The following RALGPS2 variants were observed in gnomAD, a reference collection of about 807,000 sequenced individuals.
The protein encoded by RALGPS2 is ras-specific guanine nucleotide-releasing factor RalGPS2.
In RALGPS2, 43 loss-of-function variants were observed where a neutral mutation model predicts 86.8. The observed-to-expected ratio is 0.50, with a 90% confidence interval of 0.39 to 0.64. The LOEUF (loss-of-function observed/expected upper bound fraction) is 0.64. RALGPS2 is among the 30% of genes least tolerant of loss of function. The pLI is 0.00. For synonymous variants in RALGPS2, 243 were observed against 231.3 expected (o/e 1.05, Z -0.46); for missense variants, 536 against 694.6 (o/e 0.77, Z 2.57).
chr1:178,795,844 G>A (rs1654163053), intron 4 of RALGPS2, among the ~76,000 whole-genome samples: 1 of 152,238 alleles, frequency 6.6e-6, no homozygotes, highest in East Asian at 1.9e-4. Flanking sequence ...CAAAGTTCCA[G>A]CATCAGGAAT....
intron 8 of RALGPS2, among the ~76,000 whole-genome samples, chr1:178,852,213 G>C (rs1471477816): frequency 6.6e-6 from 1 of 152,042 alleles, no homozygotes; most frequent in Non-Finnish European, 1.5e-5. Context: ...TGCCATCCCA[G>C]GCCTTGCTGC....
chr1:178,835,610 C>T (rs1656236742), intron 8 of RALGPS2, among the ~76,000 whole-genome samples: 1 of 152,116 alleles, frequency 6.6e-6, no homozygotes, highest in South Asian at 2.1e-4. Context: ...CCAGGCTAGT[C>T]TTGAATTCCT....
At chr1:178,902,714 A>G (rs896433037) in intron 18 of RALGPS2, among the ~76,000 whole-genome samples, 4 of 152,094 alleles carry the variant, frequency 2.6e-5, no homozygotes, top group African/African-American at 7.2e-5. Flanking sequence ...AATATTCTGC[A>G]GTCTTATCCA....
chr1:178,741,923 G>A (rs1055952716), intron 1 of RALGPS2, among the ~76,000 whole-genome samples: 10 of 151,884 alleles, frequency 6.6e-5, no homozygotes, highest in Non-Finnish European at 2.9e-5. Context: ...GGATCATGAG[G>A]TCAGGAGATC....
intron 1 of RALGPS2, among the ~76,000 whole-genome samples, chr1:178,752,129 A>G (rs1651712286): frequency 6.7e-6 from 1 of 149,334 alleles, no homozygotes; most frequent in Non-Finnish European, 1.5e-5. Context: ...CTATTTGTGT[A>G]GTAATTTTTT....
At chr1:178,835,716 T>G (rs1433857747) in intron 8 of RALGPS2, among the ~76,000 whole-genome samples, 1 of 152,150 alleles carries the variant, frequency 6.6e-6, no homozygotes, top group Non-Finnish European at 1.5e-5. Flanking sequence ...CTAATTAACT[T>G]ATTTTACTAT....
chr1:178,874,572 A>C (rs574836394), intron 8 of RALGPS2, among the ~76,000 whole-genome samples: 17 of 152,162 alleles, frequency 1.1e-4, no homozygotes, highest in South Asian at 8.3e-4. Flanking sequence ...AAGGAATGAC[A>C]TTTTTTTGCA....
intron 1 of RALGPS2, among the ~76,000 whole-genome samples, chr1:178,744,046 A>G (rs929990543): frequency 5.3e-5 from 8 of 152,216 alleles, no homozygotes; most frequent in Non-Finnish European, 1.2e-4. Context: ...AACTAGACAG[A>G]CGTTGTGAGG....
At chr1:178,906,362 G>A (rs1196377821) in intron 18 of RALGPS2, among the ~76,000 whole-genome samples, 3 of 150,860 alleles carry the variant, frequency 2.0e-5, no homozygotes, top group Non-Finnish European at 2.9e-5. Flanking sequence ...GCGACAGAGC[G>A]AGACTCCATC....
intron 10 of RALGPS2, 98 bp from the exon 11 acceptor site, chr1:178,883,368 A>C (rs1659343721): frequency 2.1e-6 from 2 of 930,834 alleles, no homozygotes; most frequent in Admixed American, 2.1e-5. Context: ...ATTTCATAAA[A>C]ATGTTTTTAG....
intron 1 of RALGPS2, among the ~76,000 whole-genome samples, chr1:178,751,108 C>A (rs1651628590): frequency 6.6e-6 from 1 of 150,920 alleles, no homozygotes; most frequent in Non-Finnish European, 1.5e-5. Context: ...AATTTATCTT[C>A]CATGTTCACA....
chr1:178,821,628 A>G lies in RALGPS2; in HGVS notation c.404A>G (p.Asn135Ser), dbSNP rs1335686705. The change falls in exon 7 of 20, where the codon AAT becomes AGT. Residue 135 changes from asparagine (N) to serine (S), a missense_variant. By Grantham distance (46) the Asn-to-Ser change is conservative. Around this residue, in one of 3 missense-constraint regions of RALGPS2, gnomAD observed 184 missense variants for 296.7 expected, o/e 0.62. Coordinates refer to ENST00000367635, the MANE Select transcript of RALGPS2 (RefSeq NM_152663.5). ...AATCTTCAGAAACTGTATGAGCTGA[A>G]TAACCTTCATGCACTTATGGCAGTG... ...IKTAKKLYELNNLHALMAVVS... is the reference protein window; with the variant it reads ...IKTAKKLYELSNLHALMAVVS... The G allele has an allele frequency of 9.9e-6, 16 of 1,613,006 alleles. No individual in the cohort carries two copies. The highest frequency in any genetic ancestry group is 1.3e-5 in the African/African-American group (1 of 74,876).
chr1:178,877,580 T>C lies in RALGPS2; in HGVS notation c.690T>C (p.Asn230=). ...TTCTAGAAAATGAGCAAAGATCAAATTTAATGAATAATATCCTTCGAATAA... is the reference window on the plus strand; with the variant it reads ...TTCTAGAAAATGAGCAAAGATCAAACTTAATGAATAATATCCTTCGAATAA... ...GSILENEQRS[N]LMNNILRIIS... Residue 230 remains asparagine (N), a synonymous_variant, in exon 9 of 20, where the codon AAT becomes AAC. Transcript: ENST00000367635. The C allele has an allele frequency of 6.8e-6, 11 of 1,613,572 alleles. No individual in the cohort carries two copies. Among genetic ancestry groups the C allele is most frequent in the Non-Finnish European group, 9.3e-6 (11 of 1,179,612 alleles).
At chr1:178,765,845 A>G (rs889591055) in intron 1 of RALGPS2, among the ~76,000 whole-genome samples, 1 of 152,228 alleles carries the variant, frequency 6.6e-6, no homozygotes, top group Non-Finnish European at 1.5e-5. Context: ...TTGAAAGAAG[A>G]GAAATAGGCT....
rs1647272587 is a variant in RALGPS2 at position 178,920,796 on chromosome 1, A to C, written c.*4437A>C. ...ACCAGAAATATTTGAGTTTTGTTAA[A>C]TGTACTGAAATCTTGTAATGAAAAT... On this transcript the variant is annotated 3_prime_UTR_variant, in exon 20 of 20. Transcript: ENST00000367635. 6.6e-6 allele frequency: 1 copy of C among 152,052 alleles called. No individual in the cohort carries two copies. Among genetic ancestry groups the C allele is most frequent in the Non-Finnish European group, 1.5e-5 (1 of 67,926 alleles). 9.4% of individuals were successfully genotyped at this position (152,052 alleles called of 1,614,324 possible).
At chr1:178,883,413 T>A in intron 10 of RALGPS2, 53 bp from the exon 11 acceptor site, 1 of 1,358,154 alleles carries the variant, frequency 7.4e-7, no homozygotes, top group Non-Finnish European at 1.1e-6. Context: ...TTTAATCTTA[T>A]TTTGTCAAAT....
At chr1:178,897,285 C>T (rs1327068995) in intron 16 of RALGPS2, among the ~76,000 whole-genome samples, 1 of 151,972 alleles carries the variant, frequency 6.6e-6, no homozygotes. Flanking sequence ...AGTCAGGAAA[C>T]AACAGGTGCT....
intron 2 of RALGPS2, among the ~76,000 whole-genome samples, chr1:178,779,880 C>G (rs929892392): frequency 1.3e-5 from 2 of 152,122 alleles, no homozygotes; most frequent in African/African-American, 4.8e-5. Context: ...ATTACAGGTG[C>G]TTGCCACCAC....
At chr1:178,734,403 G>A (rs1391392286) in intron 1 of RALGPS2, among the ~76,000 whole-genome samples, 1 of 152,204 alleles carries the variant, frequency 6.6e-6, no homozygotes, top group Non-Finnish European at 1.5e-5. Flanking sequence ...CCAGTAGCAG[G>A]GGTAAGGGGG....
Sources: allele counts gnomAD v4.1 joint callset (sites outside exome capture counted in the v4.1 genomes callset), GRCh38; gene constraint gnomAD v4.1.1; regional missense constraint gnomAD v4.1.1; transcripts MANE v1.5; gene names NCBI Gene and HGNC (gene_info 2026-07-23, HGNC 2026-07-21).